Variants in ABRAXAS2 observed in about 807,000 individuals in gnomAD.
ABRAXAS2 encodes abraxas 2, BRISC complex subunit.
A neutral mutation model predicts 49.0 loss-of-function variants in ABRAXAS2; 23 were observed. The ratio of observed to expected loss-of-function variants is 0.47; its 90% CI spans 0.34 to 0.66. The LOEUF (loss-of-function observed/expected upper bound fraction) is 0.66, where lower values mean the gene tolerates loss of function less well. ABRAXAS2 is among the 30% of genes least tolerant of loss of function. ABRAXAS2 has a pLI of 0.01. For synonymous variants in ABRAXAS2, 168 were observed against 180.2 expected, an observed-to-expected ratio of 0.93 and a Z score of 0.54; for missense variants, 443 against 511.9, an observed-to-expected ratio of 0.87 and a Z score of 1.30.
At chr10:124,808,423 A>G (rs1044296433) in intron 2 of ABRAXAS2, among the ~76,000 whole-genome samples, 4 of 151,886 alleles carry the variant, frequency 2.6e-5, no homozygotes, top group Admixed American at 6.6e-5. Context: ...TGATCCGCCC[A>G]CCTCAGCCTC....
rs565049292 is a variant in ABRAXAS2, at chr10:124,832,943, C to T, written c.778+1480C>T. The stretch of plus-strand genomic sequence containing the variant: ...CGGGTGGATCACGAGGTCAGGAGTT[C>T]GAGACCAGCCTGACCAACATGGTGA... On this transcript the variant is annotated intron_variant, in intron 8 of 8. Transcript: ENST00000298492. Among the ~76,000 whole-genome samples the T allele has an allele frequency of 1.4e-3, 211 of 151,472 alleles. 1 individual carries two copies. Among genetic ancestry groups the T allele is most frequent in the Middle Eastern group, 3.4e-3 (1 of 290 alleles).
At chr10:124,829,028 A>G (rs572586105) in intron 6 of ABRAXAS2, among the ~76,000 whole-genome samples, 153 bp downstream of exon 6, 1 of 152,364 alleles carries the variant, frequency 6.6e-6, no homozygotes, top group East Asian at 1.9e-4. Flanking sequence ...TACCACCAGC[A>G]TGTATCAAAA....
intron 3 of ABRAXAS2, among the ~76,000 whole-genome samples, chr10:124,817,935 AT>A (rs1449834009): frequency 1.3e-5 from 2 of 152,112 alleles, no homozygotes; most frequent in Non-Finnish European, 2.9e-5. Flanking sequence ...AGCAAGTGAA[AT>A]TGTTTAGGCT....
At chr10:124,831,842 CTTTTTTTTTTTTTTTTTTTT>C (rs71029219) in intron 8 of ABRAXAS2, among the ~76,000 whole-genome samples, 1 of 37,698 alleles carries the variant, frequency 2.7e-5, no homozygotes, top group Non-Finnish European at 4.7e-5. Context: ...TGTGTCCTGT[CTTTTTTTTTTTTTTTTTTTT>C]TTTTTTTTTT....
At chr10:124,803,088 G>C (rs775673753) in intron 1 of ABRAXAS2, among the ~76,000 whole-genome samples, 4 of 152,110 alleles carry the variant, frequency 2.6e-5, no homozygotes, top group African/African-American at 4.8e-5. Context: ...ATATGTAAGG[G>C]TTTGTGATAC....
intron 1 of ABRAXAS2, among the ~76,000 whole-genome samples, chr10:124,803,851 A>G (rs1014745983): frequency 1.5e-4 from 23 of 152,238 alleles, no homozygotes; most frequent in African/African-American, 5.1e-4. Flanking sequence ...TGGTGAGTCG[A>G]GATCGCGCCA....
chr10:124,831,810 G>A (rs895296101), intron 8 of ABRAXAS2, among the ~76,000 whole-genome samples: 7 of 146,410 alleles, frequency 4.8e-5, no homozygotes, highest in African/African-American at 1.8e-4. Context: ...TAACCACCCT[G>A]GCATGTCCAG....
intron 1 of ABRAXAS2, among the ~76,000 whole-genome samples, chr10:124,805,638 A>G (rs955630245): frequency 5.3e-5 from 8 of 152,198 alleles, no homozygotes; most frequent in Non-Finnish European, 1.2e-4. Context: ...ATTTATAAAT[A>G]TGTAATATGA....
chr10:124,806,733 T>G, intron 1 of ABRAXAS2, 98 bp from the exon 2 acceptor site: 1 of 777,600 alleles, frequency 1.3e-6, no homozygotes, highest in Non-Finnish European at 2.1e-6. Flanking sequence ...TTTGGATTAT[T>G]GTGAAAATTA....
intron 2 of ABRAXAS2, among the ~76,000 whole-genome samples, chr10:124,808,209 T>G (rs1040644315): frequency 6.6e-6 from 1 of 151,782 alleles, no homozygotes; most frequent in Non-Finnish European, 1.5e-5. Context: ...GGAGTCTTGC[T>G]CTGTCGCCCA....
chr10:124,819,214 G>A (rs894083903), intron 3 of ABRAXAS2, among the ~76,000 whole-genome samples, 170 bp from the exon 4 acceptor site: 1 of 152,118 alleles, frequency 6.6e-6, no homozygotes, highest in Non-Finnish European at 1.5e-5. Context: ...ATGCAAAAGG[G>A]GCCTCATTTC....
Position 124,831,439 on chromosome 10 carries a change from A to G in ABRAXAS2, c.754A>G (p.Lys252Glu). 2 of 1,594,560 alleles carry G rather than the reference A, an allele frequency of 1.3e-6. No individual in the cohort carries two copies. The highest frequency in any genetic ancestry group is 1.1e-5 in the South Asian group (1 of 90,210). Residue 252 changes from lysine (K) to glutamate (E), a missense_variant, in exon 8 of 9, where the codon AAA becomes GAA. Physicochemically the swap from Lys to Glu is moderately conservative, Grantham distance 56. Around this residue, in one of 3 missense-constraint regions of ABRAXAS2, gnomAD observed 230 missense variants for 237.0 expected, o/e 0.97. Coordinates refer to ENST00000298492, the MANE Select transcript of ABRAXAS2 (RefSeq NM_032182.4). ...ATTAAGAAGACAAATCACTCAGAGG[A>G]AAAATGAAAAGGAACAAGAAAGAAG... ...NKLRRQITQR[K>E]NEKEQERRLQ...
In ABRAXAS2 at chr10:124,831,344, C is replaced by G. The variant is rs746978901; in HGVS notation, c.664-5C>G. On this transcript the variant is annotated splice_polypyrimidine_tract_variant and splice_region_variant and intron_variant, in intron 7 of 8. Transcript: ENST00000298492. ...AGCTAACCTCGTTGTCATTTTTTTCCTCAGGCAGTGTGTGCAGATGTTGAA... is the reference window on the plus strand; with the variant it reads ...AGCTAACCTCGTTGTCATTTTTTTCGTCAGGCAGTGTGTGCAGATGTTGAA... The G allele has an allele frequency of 1.3e-5, 20 of 1,586,936 alleles. No individual in the cohort carries two copies. The highest frequency in any genetic ancestry group is 1.7e-5 in the Non-Finnish European group (20 of 1,157,618).
At chr10:124,803,676 C>T (rs1326303875) in intron 1 of ABRAXAS2, among the ~76,000 whole-genome samples, 1 of 152,038 alleles carries the variant, frequency 6.6e-6, no homozygotes, top group Non-Finnish European at 1.5e-5. Flanking sequence ...CTGAGGCGGG[C>T]AGATCACCTG....
At chr10:124,809,930 T>G (rs1228044530) in intron 2 of ABRAXAS2, among the ~76,000 whole-genome samples, 1 of 151,884 alleles carries the variant, frequency 6.6e-6, no homozygotes, top group Non-Finnish European at 1.5e-5. Context: ...TTTTTGTATT[T>G]TTAGTAGAGA....
intron 4 of ABRAXAS2, among the ~76,000 whole-genome samples, chr10:124,824,106 G>T (rs6597853): frequency 0.057 from 8,727 of 152,062 alleles, 812 homozygotes; most frequent in African/African-American, 0.2. Flanking sequence ...CTTGCTATCT[G>T]GCTCAGGCCG....
intron 4 of ABRAXAS2, among the ~76,000 whole-genome samples, chr10:124,821,384 G>A (rs902038478): frequency 1.3e-5 from 2 of 151,882 alleles, no homozygotes; most frequent in African/African-American, 4.8e-5. Flanking sequence ...GGCTAACACG[G>A]TGAAACCCTG....
chr10:124,831,201 G>T lies in ABRAXAS2; in HGVS notation c.664-148G>T, dbSNP rs1226496023. The T allele has an allele frequency of 9.8e-6, 6 of 613,542 alleles. No homozygotes were observed. The East Asian group carries it at 1.8e-4, about 18-fold the overall frequency. 38.0% of individuals were successfully genotyped at this position (613,542 alleles called of 1,614,324 possible). A position where few individuals can be genotyped will look rare whatever the true frequency, so the allele number is the denominator to read the frequency against. On this transcript the variant is annotated intron_variant, in intron 7 of 8. Coordinates refer to ENST00000298492, the MANE Select transcript of ABRAXAS2 (RefSeq NM_032182.4). ...GAATAATAACAATTCTAGTCTTTTG[G>T]GCTTTCATGATTTTGTTCTACCTTA...
chr10:124,807,608 T>C (rs1398498320), intron 2 of ABRAXAS2, among the ~76,000 whole-genome samples: 2 of 152,006 alleles, frequency 1.3e-5, no homozygotes, highest in Non-Finnish European at 2.9e-5. Flanking sequence ...AGCCAAGATC[T>C]TGTCTCAAAA....
Sources: allele counts gnomAD v4.1 joint callset (sites outside exome capture counted in the v4.1 genomes callset), GRCh38; gene constraint gnomAD v4.1.1; regional missense constraint gnomAD v4.1.1; transcripts MANE v1.5; gene names NCBI Gene and HGNC (gene_info 2026-07-23, HGNC 2026-07-21).